The following CAST variants were observed in gnomAD, a reference collection of about 807,000 sequenced individuals.
The protein encoded by CAST is MIR583 host.
Under a neutral mutation model 119.6 loss-of-function variants are expected in CAST, and 76 were observed. The observed-to-expected ratio is 0.64, with a 90% CI of 0.53 to 0.77. The LOEUF (loss-of-function observed/expected upper bound fraction) is 0.77, where lower values mean the gene tolerates loss of function less well. Ranked by LOEUF, CAST falls within the 30% of genes least tolerant of loss-of-function variation. The pLI, the probability that CAST is intolerant of heterozygous loss-of-function variation, is 0.00. For missense variants in CAST, 953 were observed against 946.5 expected (o/e 1.01, Z -0.09); for synonymous variants, 319 against 331.6 (o/e 0.96, Z 0.41).
chr5:95,997,889 G>A, the CAST span, among the ~76,000 whole-genome samples: 81 of 150,962 alleles, frequency 5.4e-4, no homozygotes, highest in Non-Finnish European at 1.0e-3. Context: ...CTGTCAAAAG[G>A]CCCACGTCTC....
the CAST span, among the ~76,000 whole-genome samples, chr5:95,982,306 T>G: frequency 2.3e-4 from 35 of 151,738 alleles, no homozygotes; most frequent in African/African-American, 8.3e-4. Context: ...TCTACTTGTA[T>G]TCAATTGTGT....
intron 1 of CAST, among the ~76,000 whole-genome samples, chr5:96,536,376 G>A (rs559114654): frequency 6.6e-6 from 1 of 152,242 alleles, no homozygotes; most frequent in African/African-American, 2.4e-5. Context: ...AAAATAAAAG[G>A]AGGAGGACAG....
chr5:96,393,229 G>A, the CAST span: 8 of 1,614,046 alleles, frequency 5.0e-6, no homozygotes, highest in East Asian at 2.2e-5. Flanking sequence ...TTGGCGGTGA[G>A]TTTTTACTGA....
At chr5:96,322,588 A>G in the CAST span, among the ~76,000 whole-genome samples, 1 of 152,140 alleles carries the variant, frequency 6.6e-6, no homozygotes, top group African/African-American at 2.4e-5. Context: ...ACCCTTGGGA[A>G]GGGCCCAGCA....
At chr5:96,254,348 A>G in the CAST span, among the ~76,000 whole-genome samples, 2 of 152,272 alleles carry the variant, frequency 1.3e-5, 1 homozygote, top group South Asian at 4.1e-4. Flanking sequence ...ACAAAATGCA[A>G]ACAGAAACAA....
the CAST span, among the ~76,000 whole-genome samples, chr5:96,304,211 C>G: frequency 6.6e-6 from 1 of 152,136 alleles, no homozygotes; most frequent in African/African-American, 2.4e-5. Flanking sequence ...TGATGATGAG[C>G]TTTTTGTCAT....
At chr5:96,375,281 T>G in the CAST span, among the ~76,000 whole-genome samples, 1 of 152,198 alleles carries the variant, frequency 6.6e-6, no homozygotes. Flanking sequence ...AGGAATGTTT[T>G]GTCAACTTCC....
the CAST span, among the ~76,000 whole-genome samples, chr5:96,040,710 C>T: frequency 6.6e-6 from 1 of 152,034 alleles, no homozygotes; most frequent in Non-Finnish European, 1.5e-5. Flanking sequence ...GCCTTGCATC[C>T]CAGGGAGGAA....
chr5:96,409,791 T>A, the CAST span, among the ~76,000 whole-genome samples: 5 of 152,188 alleles, frequency 3.3e-5, no homozygotes, highest in African/African-American at 1.2e-4. Context: ...GTCTATTACT[T>A]GAGTAGCTGA....
the CAST span, among the ~76,000 whole-genome samples, chr5:96,207,468 A>G: frequency 6.6e-6 from 1 of 152,028 alleles, no homozygotes; most frequent in Non-Finnish European, 1.5e-5. Flanking sequence ...ATTTTGGAAT[A>G]TGTTTCTTCA....
the CAST span, among the ~76,000 whole-genome samples, chr5:96,344,078 C>G: frequency 1.0e-3 from 156 of 152,324 alleles, 1 homozygote; most frequent in African/African-American, 3.6e-3. Context: ...CTTGATAGAA[C>G]TAATAGTCCT....
intron 1 of CAST, among the ~76,000 whole-genome samples, chr5:96,585,213 A>G (rs1032595647): frequency 1.3e-5 from 2 of 152,036 alleles, no homozygotes; most frequent in African/African-American, 4.8e-5. Flanking sequence ...TGTTTATCTT[A>G]TATATTATCT....
chr5:96,597,404 G>T (rs1747072107), intron 1 of CAST, among the ~76,000 whole-genome samples: 1 of 152,194 alleles, frequency 6.6e-6, no homozygotes, highest in African/African-American at 2.4e-5. Flanking sequence ...TTGCAGCTGG[G>T]ACCCTGCTGT....
At chr5:96,580,533 A>G (rs561474611) in intron 1 of CAST, among the ~76,000 whole-genome samples, 1 of 152,286 alleles carries the variant, frequency 6.6e-6, no homozygotes, top group South Asian at 2.1e-4. Context: ...GTGCATGCAG[A>G]TTAGCTGGGT....
chr5:96,593,325 T>C (rs1157741100), intron 1 of CAST, among the ~76,000 whole-genome samples: 1 of 152,212 alleles, frequency 6.6e-6, no homozygotes, highest in East Asian at 1.9e-4. Flanking sequence ...TCTTGTGACG[T>C]GTTCTCTAAC....
At chr5:96,188,260 T>C in the CAST span, among the ~76,000 whole-genome samples, 1 of 152,200 alleles carries the variant, frequency 6.6e-6, no homozygotes, top group Non-Finnish European at 1.5e-5. Context: ...TAAAATATAC[T>C]GTTTTCTGCC....
chr5:96,287,244 C>T, the CAST span, among the ~76,000 whole-genome samples: 11 of 152,236 alleles, frequency 7.2e-5, no homozygotes, highest in South Asian at 1.7e-3. Flanking sequence ...TTCTTCCCCC[C>T]TCCCCTTTCC....
chr5:96,112,411 A>G, the CAST span, among the ~76,000 whole-genome samples: 2 of 152,184 alleles, frequency 1.3e-5, no homozygotes. Context: ...AAAAAATGGA[A>G]CCTATTATAT....
chr5:96,572,392 G>C (rs1481156004), intron 1 of CAST, among the ~76,000 whole-genome samples: 1 of 152,040 alleles, frequency 6.6e-6, no homozygotes, highest in Admixed American at 6.6e-5. Context: ...GTAGAGACGG[G>C]GTTTCGCCAT....
Sources: gnomAD v4.1 joint callset for allele counts (sites outside exome capture counted in the v4.1 genomes callset) on GRCh38, gnomAD v4.1.1 for gene constraint, MANE v1.5 for transcripts, NCBI Gene and HGNC (gene_info 2026-07-23, HGNC 2026-07-21) for gene names.